The following DOCK10 variants were observed in gnomAD, a reference collection of about 807,000 sequenced individuals.
DOCK10 encodes the protein dedicator of cytokinesis protein 10.
A neutral mutation model predicts 280.1 loss-of-function variants in DOCK10; 145 were observed. That is an observed-to-expected ratio of 0.52 (90% CI 0.45 to 0.59). The LOEUF is 0.59. DOCK10 is among the 20% of genes least tolerant of loss of function. The pLI, the probability that DOCK10 is intolerant of heterozygous loss-of-function variation, is 0.00. For missense variants in DOCK10, 2,368 were observed against 2,651.7 expected (o/e 0.89, Z 2.35); for synonymous variants, 915 against 942.2 (o/e 0.97, Z 0.53).
chr2:224,846,736 C>A (rs1477670959), intron 19 of DOCK10, among the ~76,000 whole-genome samples: 3 of 152,112 alleles, frequency 2.0e-5, no homozygotes, highest in Non-Finnish European at 4.4e-5. Context: ...ACCTTGTGAT[C>A]CACCCGTCTC....
chr2:224,992,665 T>C (rs1336805880), intron 1 of DOCK10, among the ~76,000 whole-genome samples: 1 of 152,262 alleles, frequency 6.6e-6, no homozygotes, highest in Non-Finnish European at 1.5e-5. Context: ...TACTGACAAC[T>C]GCAGTTCCCA....
chr2:224,859,727 G>A (rs931648008), intron 14 of DOCK10, among the ~76,000 whole-genome samples: 1 of 152,154 alleles, frequency 6.6e-6, no homozygotes. Flanking sequence ...TCTACACTGC[G>A]AAACAAACTG....
intron 1 of DOCK10, among the ~76,000 whole-genome samples, chr2:225,019,208 C>T (rs1402436453): frequency 6.6e-6 from 1 of 151,984 alleles, no homozygotes; most frequent in Non-Finnish European, 1.5e-5. Context: ...GTGCGTAGCC[C>T]CCCACATCTT....
At position 224,805,388 on chromosome 2, in the gene DOCK10, G is replaced by C. The variant is rs757139014; in HGVS notation, c.3936+20C>G. 6.2e-7 allele frequency: 1 copy of C among 1,612,732 alleles called. No homozygotes were observed. Among genetic ancestry groups the C allele is most frequent in the Admixed American group, 1.7e-5 (1 of 59,844 alleles). ...ACCTCTGCCTTGTAATGATCAGTAGGTTTGAGAGGGAAGTCATACCTTTTC... is the reference window on the plus strand; with the variant it reads ...ACCTCTGCCTTGTAATGATCAGTAGCTTTGAGAGGGAAGTCATACCTTTTC... On this transcript the variant is annotated intron_variant, in intron 35 of 55. Transcript: ENST00000258390. The surrounding 1 kb of genome is among the most constrained non-coding windows in gnomAD (Gnocchi z 4.3).
intron 30 of DOCK10, among the ~76,000 whole-genome samples, chr2:224,816,040 A>C (rs1694114602): frequency 2.6e-5 from 4 of 152,004 alleles, no homozygotes; most frequent in Admixed American, 2.6e-4. Context: ...CCTCAAAAAC[A>C]AAACAACCCC....
At chr2:225,035,534 GATATATATTATATATATATATAT>G (rs1559985729) in intron 1 of DOCK10, among the ~76,000 whole-genome samples, 1 of 58,202 alleles carries the variant, frequency 1.7e-5, no homozygotes, top group African/African-American at 6.0e-5. Flanking sequence ...TATATGATAT[GATATATATTATATATATATATAT>G]ATATATATAT....
At chr2:224,769,692 G>T (rs35380339) in intron 55 of DOCK10, among the ~76,000 whole-genome samples, 6,090 of 152,300 alleles carry the variant, frequency 0.04, 173 homozygotes, top group Non-Finnish European at 0.059. Context: ...CGGATGACTT[G>T]CTTGTGGGGT....
chr2:224,928,261 C>T (rs1386598861), intron 2 of DOCK10, among the ~76,000 whole-genome samples: 2 of 138,838 alleles, frequency 1.4e-5, no homozygotes, highest in African/African-American at 5.2e-5. Flanking sequence ...TTCTGTAAAG[C>T]GTCAAAGAAT....
intron 52 of DOCK10, among the ~76,000 whole-genome samples, chr2:224,774,648 C>T (rs759600303): frequency 3.9e-5 from 6 of 152,288 alleles, no homozygotes; most frequent in Middle Eastern, 3.4e-3. Flanking sequence ...AGGCACTGAC[C>T]CCATCACCCT....
Position 224,856,797 on chromosome 2 carries a change from T to C in DOCK10, c.1808+63A>G, listed in dbSNP as rs553425447. 4.5e-5 allele frequency: 66 copies of C among 1,455,854 alleles called. No individual in the cohort carries two copies. In the Admixed American group the frequency reaches 1.2e-3, roughly 26 times the overall value. 90.2% of individuals were successfully genotyped at this position (1,455,854 alleles called of 1,614,324 possible). A position where few individuals can be genotyped will look rare whatever the true frequency, so the allele number is the denominator to read the frequency against. ...CGAGAATGAGATCCTCAGGTATTTA[T>C]GAAGTGATAAAAAATCAACATGGCT... is the stretch of plus-strand genomic sequence containing the variant. On this transcript the variant is annotated intron_variant, in intron 15 of 55. Coordinates refer to ENST00000258390, the MANE Select transcript of DOCK10 (RefSeq NM_014689.3).
intron 3 of DOCK10, among the ~76,000 whole-genome samples, chr2:224,910,213 T>A (rs1444877999): frequency 6.6e-6 from 1 of 152,202 alleles, no homozygotes; most frequent in Non-Finnish European, 1.5e-5. Flanking sequence ...TCTACAAAGC[T>A]CTACAAACGT....
chr2:224,784,825 C>G (rs1691624824), intron 50 of DOCK10: 1 of 1,210,992 alleles, frequency 8.3e-7, no homozygotes, highest in Non-Finnish European at 1.1e-6. Context: ...TCACTTCTAC[C>G]TGCTTTAGAG....
intron 41 of DOCK10, among the ~76,000 whole-genome samples, chr2:224,799,798 T>A (rs1692845235): frequency 6.6e-6 from 1 of 152,182 alleles, no homozygotes; most frequent in Non-Finnish European, 1.5e-5. Flanking sequence ...TTTCTTTAGA[T>A]CTAGTTGTAA....
intron 4 of DOCK10, among the ~76,000 whole-genome samples, chr2:224,889,255 T>C (rs1200295928): frequency 6.6e-6 from 1 of 152,194 alleles, no homozygotes; most frequent in Non-Finnish European, 1.5e-5. Context: ...ATAAAATTGC[T>C]ATTCTGTGCA....
At chr2:224,897,572 C>G (rs1700058234) in intron 3 of DOCK10, among the ~76,000 whole-genome samples, 1 of 152,088 alleles carries the variant, frequency 6.6e-6, no homozygotes, top group Admixed American at 6.5e-5. Context: ...CTCCGGTAAC[C>G]ACCCTTCTAC....
intron 1 of DOCK10, among the ~76,000 whole-genome samples, chr2:224,971,543 C>T (rs749107953): frequency 2.0e-5 from 3 of 152,070 alleles, no homozygotes; most frequent in African/African-American, 4.8e-5. Context: ...ATAGCTACAC[C>T]TCATAGTTCA....
At chr2:224,783,393 G>T (rs1691496713) in intron 50 of DOCK10, among the ~76,000 whole-genome samples, 1 of 151,496 alleles carries the variant, frequency 6.6e-6, no homozygotes. Flanking sequence ...TCCTGCTTCA[G>T]CCTCCCGAGT....
chr2:224,959,109 G>C (rs189535512), intron 1 of DOCK10, among the ~76,000 whole-genome samples: 213 of 152,282 alleles, frequency 1.4e-3, no homozygotes, highest in African/African-American at 4.9e-3. Flanking sequence ...AATTTGTGTT[G>C]ACTTCTTCTT....
At chr2:224,776,664 A>G (rs1427488803) in intron 51 of DOCK10, among the ~76,000 whole-genome samples, 3 of 152,168 alleles carry the variant, frequency 2.0e-5, no homozygotes, top group Non-Finnish European at 4.4e-5. Context: ...CTGTAGCCCA[A>G]TAGAACTGTA....
Sources: allele counts gnomAD v4.1 joint callset (sites outside exome capture counted in the v4.1 genomes callset), GRCh38; gene constraint gnomAD v4.1.1; non-coding constraint Gnocchi (gnomAD v3.1); transcripts MANE v1.5; gene names NCBI Gene and HGNC (gene_info 2026-07-23, HGNC 2026-07-21).